Variants in CATSPERB observed in about 807,000 individuals in gnomAD.
The protein encoded by CATSPERB is cation channel sperm-associated auxiliary subunit beta.
In CATSPERB, 93 loss-of-function variants were observed where a neutral mutation model predicts 128.3. The observed-to-expected ratio is 0.72, with a 90% CI of 0.61 to 0.86. The LOEUF (loss-of-function observed/expected upper bound fraction) is 0.86. Ranked by LOEUF, CATSPERB falls within the 40% of genes least tolerant of loss-of-function variation. The pLI, the probability that CATSPERB is intolerant of heterozygous loss-of-function variation, is 0.00. For missense variants in CATSPERB, 1,153 were observed against 1,329.5 expected, an observed-to-expected ratio of 0.87 and a Z score of 2.06; for synonymous variants, 381 against 448.8, an observed-to-expected ratio of 0.85 and a Z score of 1.91.
intron 5 of CATSPERB, among the ~76,000 whole-genome samples, chr14:91,717,914 GAT>G (rs1895969754): frequency 6.6e-6 from 1 of 152,114 alleles, no homozygotes; most frequent in East Asian, 1.9e-4. Context: ...CTAGCACAAA[GAT>G]ATTTCTTTTT....
chr14:91,728,129 T>G (rs1896149201), intron 2 of CATSPERB, among the ~76,000 whole-genome samples: 1 of 152,180 alleles, frequency 6.6e-6, no homozygotes, highest in Admixed American at 6.5e-5. Flanking sequence ...TTTTTGTTTG[T>G]TTGATATAGG....
At position 91,636,537 on chromosome 14, in the gene CATSPERB, T is replaced by C. The variant is rs144163747; in HGVS notation, c.1630A>G (p.Thr544Ala). The stretch of plus-strand genomic sequence containing the variant: ...AAAAAGATAATTTCATCTAAGGAGG[T>C]GTGCTGTGGGGCAAGCGCAGTCTCA... ...GFETALAPQH[T>A]SLDEIIFFAY... Residue 544 changes from threonine (T) to alanine (A), a missense_variant, in exon 17 of 27, where the codon ACC becomes GCC. By Grantham distance (58) the Thr-to-Ala change is moderately conservative. Transcript: ENST00000256343. The C allele has an allele frequency of 4.7e-4, 752 of 1,613,818 alleles. 1 individual carries two copies. The highest frequency in any genetic ancestry group is 1.7e-3 in the Middle Eastern group (10 of 6,060).
rs1425692701 is a variant in CATSPERB at position 91,581,018 on chromosome 14, T to C, written c.3222A>G (p.Ile1074Met). ...TAVVLGGLIF[I>M]AFMFQLQGIH... ...TGCCTTGCAGTTGAAACATAAATGC[T>C]ATAAAAATTAATCCCCCTAGCACTA... The change falls in exon 27 of 27, where the codon ATA becomes ATG. Residue 1074 changes from isoleucine (I) to methionine (M), a missense_variant. Coordinates refer to ENST00000256343, the MANE Select transcript of CATSPERB (RefSeq NM_024764.4). 1 of 1,614,088 alleles carries C rather than the reference T, an allele frequency of 6.2e-7. No homozygotes were observed. The highest frequency in any genetic ancestry group is 1.3e-5 in the African/African-American group (1 of 74,948).
intron 7 of CATSPERB, among the ~76,000 whole-genome samples, chr14:91,695,129 AT>A (rs34458723): frequency 0.33 from 44,528 of 133,350 alleles, 6,874 homozygotes; most frequent in South Asian, 0.46. Context: ...AATGGTGGGA[AT>A]TTTTTTTTTT....
At chr14:91,668,044 G>A (rs1336758342) in intron 14 of CATSPERB, among the ~76,000 whole-genome samples, 2 of 152,144 alleles carry the variant, frequency 1.3e-5, no homozygotes, top group African/African-American at 4.8e-5. Flanking sequence ...CCTTTCGCTG[G>A]CCTAAAGAGT....
chr14:91,585,009 T>TC lies in CATSPERB; in HGVS notation c.3132+2192_3132+2193insG, dbSNP rs1301578503. ...TTTCCTTTCTTCTTCTTCTTCTTCTTTTTATTTTTATTTTTTATTTTTTTT... is the reference window on the plus strand; with the variant it reads ...TTTCCTTTCTTCTTCTTCTTCTTCTTCTTTATTTTTATTTTTTATTTTTTTT... On this transcript the variant is annotated intron_variant, in intron 26 of 26. Coordinates refer to ENST00000256343, the MANE Select transcript of CATSPERB (RefSeq NM_024764.4). Among the ~76,000 whole-genome samples the TC allele has an allele frequency of 7.8e-3, 903 of 116,220 alleles. 11 individuals carry two copies. The highest frequency in any genetic ancestry group is 0.025 in the African/African-American group (865 of 34,216). 76.2% of individuals were successfully genotyped at this position (116,220 alleles called of 152,430 possible).
chr14:91,616,883 A>G (rs1004270690), intron 20 of CATSPERB, among the ~76,000 whole-genome samples: 5 of 151,968 alleles, frequency 3.3e-5, no homozygotes, highest in Non-Finnish European at 5.9e-5. Flanking sequence ...CTGGGATTAC[A>G]GGCAAGGGCC....
chr14:91,615,878 A>T (rs1235700244), intron 20 of CATSPERB, among the ~76,000 whole-genome samples: 5 of 75,638 alleles, frequency 6.6e-5, no homozygotes, highest in South Asian at 7.3e-4. Flanking sequence ...TCATACATAC[A>T]GTTTTCCTTT....
At chr14:91,677,847 G>A (rs961439339) in intron 11 of CATSPERB, among the ~76,000 whole-genome samples, 1 of 152,082 alleles carries the variant, frequency 6.6e-6, no homozygotes, top group Non-Finnish European at 1.5e-5. Context: ...AATGGTAGAC[G>A]GGATAAAGAA....
At chr14:91,701,910 C>CAA (rs68037916) in intron 7 of CATSPERB, among the ~76,000 whole-genome samples, 1 of 138,448 alleles carries the variant, frequency 7.2e-6, no homozygotes, top group Non-Finnish European at 1.6e-5. Context: ...GACCCTGTCT[C>CAA]AAAAAAAAAA....
chr14:91,610,611 G>C lies in CATSPERB; in HGVS notation c.2467C>G (p.Pro823Ala). Residue 823 changes from proline to alanine, a missense_variant, in exon 21 of 27, where the codon CCA (proline) becomes GCA (alanine). Transcript: ENST00000256343. ...STECFVTTMVPTLKSSCSYLR... is the reference protein window; with the variant it reads ...STECFVTTMVATLKSSCSYLR... ...TAACTACAGCTGCTTTTCAGTGTTGGCACCATTGTCGTAACAAAGCACTCA... is the reference window on the plus strand; with the variant it reads ...TAACTACAGCTGCTTTTCAGTGTTGCCACCATTGTCGTAACAAAGCACTCA... 6.2e-7 allele frequency: 1 copy of C among 1,614,052 alleles called. No individual in the cohort carries two copies. The highest frequency in any genetic ancestry group is 1.3e-5 in the African/African-American group (1 of 75,012).
chr14:91,715,239 T>C (rs1157930529), intron 5 of CATSPERB: 2 of 152,086 alleles, frequency 1.3e-5, no homozygotes, highest in African/African-American at 4.8e-5. Context: ...AGTGTCTTCA[T>C]GGTTTGGAAG....
intron 1 of CATSPERB, among the ~76,000 whole-genome samples, 177 bp downstream of exon 1, chr14:91,731,753 T>C (rs1250965186): frequency 6.6e-6 from 1 of 152,190 alleles, no homozygotes; most frequent in Admixed American, 6.5e-5. Context: ...AAGTCATGTA[T>C]CTGGGCATTT....
In CATSPERB at chr14:91,621,686, G is replaced by A; in HGVS notation, c.2182C>T (p.Pro728Ser). Residue 728 changes from proline (P) to serine (S), a missense_variant, in exon 19 of 27, where the codon CCA becomes TCA. Transcript: ENST00000256343. Reference sequence around the variant, plus strand: ...ATGTATTTCACGATGTTGAGGGATGGTGAATCATCATGTTGAAACCAATAA... The same window carrying A: ...ATGTATTTCACGATGTTGAGGGATGATGAATCATCATGTTGAAACCAATAA... ...CNYWFQHDDSPSLNIVKYIDL... is the reference protein window; with the variant it reads ...CNYWFQHDDSSSLNIVKYIDL... The A allele has an allele frequency of 6.2e-7, 1 of 1,613,570 alleles. No homozygotes were observed. Among genetic ancestry groups the A allele is most frequent in the Non-Finnish European group, 8.5e-7 (1 of 1,179,494 alleles).
rs748682444 is a variant in CATSPERB at position 91,684,368 on chromosome 14, G to C, written c.865-425C>G. 4.9e-4 allele frequency among the ~76,000 whole-genome samples: 74 copies of C among 152,158 alleles called. 1 individual carries two copies. Among genetic ancestry groups the C allele is most frequent in the Admixed American group, 7.2e-4 (11 of 15,282 alleles). ...AACAGGAAAAAGGTTTTGAAAATTG[G>C]TCATGAGAGACAAGCTTCAATATAT... is the stretch of plus-strand genomic sequence containing the variant. On this transcript the variant is annotated intron_variant, in intron 10 of 26. Coordinates refer to ENST00000256343, the MANE Select transcript of CATSPERB (RefSeq NM_024764.4).
chr14:91,598,829 G>A (rs1270054659), intron 22 of CATSPERB, among the ~76,000 whole-genome samples: 2 of 133,256 alleles, frequency 1.5e-5, no homozygotes, highest in Non-Finnish European at 3.1e-5. Context: ...CTGCACTCCA[G>A]CCTGGGCAAC....
At chr14:91,596,764 A>C (rs1051036868) in intron 22 of CATSPERB, among the ~76,000 whole-genome samples, 2 of 152,348 alleles carry the variant, frequency 1.3e-5, no homozygotes, top group African/African-American at 4.8e-5. Flanking sequence ...AAGAAAACCA[A>C]ACACCATTTC....
chr14:91,719,539 T>C (rs559225026), intron 4 of CATSPERB, 61 bp from the exon 5 acceptor site: 1 of 1,247,560 alleles, frequency 8.0e-7, no homozygotes, highest in Admixed American at 1.8e-5. Context: ...CACATCACAT[T>C]CTATGCTATA....
chr14:91,611,351 T>G (rs1336091231), intron 20 of CATSPERB, among the ~76,000 whole-genome samples: 1 of 152,220 alleles, frequency 6.6e-6, no homozygotes, highest in African/African-American at 2.4e-5. Context: ...GGCTCACGCC[T>G]GTAATCCCAG....
Sources: gnomAD v4.1 joint callset for allele counts (sites outside exome capture counted in the v4.1 genomes callset) on GRCh38, gnomAD v4.1.1 for gene constraint, MANE v1.5 for transcripts, NCBI Gene and HGNC (gene_info 2026-07-23, HGNC 2026-07-21) for gene names.